Variants in KIF5C observed in about 807,000 individuals in gnomAD.
KIF5C encodes the protein kinesin family member 5C.
Under a neutral mutation model 125.2 loss-of-function variants are expected in KIF5C, and 18 were observed. The observed-to-expected ratio is 0.14, with a 90% CI of 0.10 to 0.21. The LOEUF is 0.21. Ranked by LOEUF, KIF5C falls within the 10% of genes least tolerant of loss-of-function variation. The pLI, the probability that KIF5C is intolerant of heterozygous loss-of-function variation, is 1.00. For synonymous variants in KIF5C, 405 were observed against 434.0 expected, an observed-to-expected ratio of 0.93 and a Z score of 0.83; for missense variants, 780 against 1,183.8, an observed-to-expected ratio of 0.66 and a Z score of 5.01.
At chr2:148,986,959 C>A (rs1228861511) in intron 15 of KIF5C, among the ~76,000 whole-genome samples, 1 of 152,220 alleles carries the variant, frequency 6.6e-6, no homozygotes, top group Non-Finnish European at 1.5e-5. Flanking sequence ...CTCTTCCTTT[C>A]ATGTACTGGT....
intron 25 of KIF5C, among the ~76,000 whole-genome samples, chr2:149,018,076 C>T (rs1226246419): frequency 2.0e-5 from 3 of 152,110 alleles, no homozygotes; most frequent in African/African-American, 4.8e-5. Flanking sequence ...ATGGCTTGAG[C>T]TCAGGAGTTT....
chr2:149,021,117 C>T (rs1224153125), intron 25 of KIF5C, among the ~76,000 whole-genome samples: 1 of 152,162 alleles, frequency 6.6e-6, no homozygotes, highest in Non-Finnish European at 1.5e-5. Context: ...GGCTGGAGTG[C>T]AGCAGCATGA....
chr2:149,016,197 A>C (rs1682351592), intron 25 of KIF5C, among the ~76,000 whole-genome samples: 2 of 152,320 alleles, frequency 1.3e-5, no homozygotes, highest in Non-Finnish European at 2.9e-5. Context: ...GTTGAGCCCA[A>C]GTAAATGAAG....
At chr2:148,951,481 C>T (rs984860316) in intron 10 of KIF5C, among the ~76,000 whole-genome samples, 32 of 152,142 alleles carry the variant, frequency 2.1e-4, no homozygotes, top group Non-Finnish European at 2.9e-5. Context: ...TGTCCAAGGC[C>T]TGACCTCCTT....
intron 12 of KIF5C, 29 bp from the exon 13 acceptor site, chr2:148,978,893 A>G (rs1227172421): frequency 6.4e-7 from 1 of 1,570,528 alleles, no homozygotes; most frequent in Non-Finnish European, 8.6e-7. Flanking sequence ...ATAACTAACC[A>G]AAAAAACAAA....
In KIF5C at chr2:149,023,708, T is replaced by C. The variant is rs1379517269; in HGVS notation, c.*638T>C. ...CAGAAAAACAATCTGACAGTAGCAG[T>C]GTAGAATTTGTTCATTCAAATACAT... On this transcript the variant is annotated 3_prime_UTR_variant, in exon 26 of 26. Coordinates refer to ENST00000435030, the MANE Select transcript of KIF5C (RefSeq NM_004522.3). 1 of 152,522 alleles carries C rather than the reference T, an allele frequency of 6.6e-6. No individual in the cohort carries two copies. Among genetic ancestry groups the C allele is most frequent in the Non-Finnish European group, 1.5e-5 (1 of 68,032 alleles). 9.4% of individuals were successfully genotyped at this position (152,522 alleles called of 1,614,324 possible).
In KIF5C at chr2:148,983,665, C is replaced by T. The variant is rs1244588801; in HGVS notation, c.1615C>T (p.Leu539Phe). 6.8e-6 allele frequency: 11 copies of T among 1,609,014 alleles called. No homozygotes were observed. The highest frequency in any genetic ancestry group is 9.3e-6 in the Non-Finnish European group (11 of 1,176,808). Residue 539 changes from leucine to phenylalanine, a missense_variant, in exon 15 of 26, where the codon CTT becomes TTT. This residue lies in a region of KIF5C where 573 missense variants were observed against 742.6 expected (regional missense o/e 0.77). Coordinates refer to ENST00000435030, the MANE Select transcript of KIF5C (RefSeq NM_004522.3). ...TQRELSQLQELSNHQKKRATE... is the reference protein window; with the variant it reads ...TQRELSQLQEFSNHQKKRATE... ...GAGAGAGCTGAGCCAGCTACAAGAG[C>T]TTAGCAACCACCAGAAGAAAAGGGC...
At chr2:148,962,692 C>T (rs1442081561) in intron 11 of KIF5C, among the ~76,000 whole-genome samples, 4 of 152,320 alleles carry the variant, frequency 2.6e-5, no homozygotes, top group African/African-American at 9.6e-5. Flanking sequence ...CTGCCTTAAT[C>T]TGCTTCCAAT....
chr2:148,976,285 T>TTTA (rs1558927695), intron 12 of KIF5C, among the ~76,000 whole-genome samples: 4 of 52,190 alleles, frequency 7.7e-5, no homozygotes, highest in Admixed American at 2.1e-4. Context: ...TTATTTATTT[T>TTTA]TTGAGATGGA....
chr2:148,953,041 C>T (rs909224719), intron 10 of KIF5C, among the ~76,000 whole-genome samples: 2 of 152,000 alleles, frequency 1.3e-5, no homozygotes, highest in African/African-American at 4.8e-5. Flanking sequence ...TTTGGGCTTC[C>T]AGGAAGTAAA....
chr2:148,929,829 A>G (rs1311240208), intron 3 of KIF5C, among the ~76,000 whole-genome samples: 3 of 151,782 alleles, frequency 2.0e-5, no homozygotes, highest in Non-Finnish European at 2.9e-5. Context: ...TTTTTTTTTA[A>G]TAGTAAGCAA....
Position 148,875,522 on chromosome 2 carries a change from C to G in KIF5C, c.-96C>G. ...GTCGTCGGAGGCTGCAGGAGGCGGC[C>G]TAGCTGTGGGCGGTGCAGCTCGCGG... On this transcript the variant is annotated 5_prime_UTR_variant, in exon 1 of 26. Coordinates refer to ENST00000435030, the MANE Select transcript of KIF5C (RefSeq NM_004522.3). 9.4e-7 allele frequency: 1 copy of G among 1,061,080 alleles called. No homozygotes were observed. Among genetic ancestry groups the G allele is most frequent in the Admixed American group, 2.0e-5 (1 of 48,924 alleles). 65.7% of individuals were successfully genotyped at this position (1,061,080 alleles called of 1,614,324 possible). A position where few individuals can be genotyped will look rare whatever the true frequency, so the allele number is the denominator to read the frequency against.
Position 149,024,604 on chromosome 2 carries a change from TTTC to T in KIF5C, c.*1537_*1539del. ...AGAACTGTGCATTGACATCCAAACA[TTTC>T]TTGTACAAAATTTCCCTAGCAAAGC... is the stretch of plus-strand genomic sequence containing the variant. On this transcript the variant is annotated 3_prime_UTR_variant, in exon 26 of 26. Coordinates refer to ENST00000435030, the MANE Select transcript of KIF5C (RefSeq NM_004522.3). 6.6e-6 allele frequency: 1 copy of T among 152,358 alleles called. No individual in the cohort carries two copies. The highest frequency in any genetic ancestry group is 2.4e-5 in the African/African-American group (1 of 41,406). 9.4% of individuals were successfully genotyped at this position (152,358 alleles called of 1,614,324 possible).
At chr2:148,887,653 G>A (rs1243084189) in intron 1 of KIF5C, among the ~76,000 whole-genome samples, 1 of 152,016 alleles carries the variant, frequency 6.6e-6, no homozygotes, top group Non-Finnish European at 1.5e-5. Context: ...AGCTGGGGTA[G>A]GAATCTGCTT....
chr2:148,880,660 C>CA (rs1366946440), intron 1 of KIF5C, among the ~76,000 whole-genome samples: 1 of 152,192 alleles, frequency 6.6e-6, no homozygotes, highest in Non-Finnish European at 1.5e-5. Context: ...TTTATTTAGT[C>CA]ACTTTGTCTA....
In KIF5C at chr2:149,010,243, A is replaced by G; in HGVS notation, c.2659A>G (p.Lys887Glu). 1.3e-6 allele frequency: 2 copies of G among 1,584,840 alleles called. No individual in the cohort carries two copies. Among genetic ancestry groups the G allele is most frequent in the Non-Finnish European group, 1.7e-6 (2 of 1,166,158 alleles). Reference sequence around the variant, plus strand: ...TCTGGAGAGCGCGCTGAAGGAGGCCAAGGAGAACGCCATGCGGGACCGTAA... The same window carrying G: ...TCTGGAGAGCGCGCTGAAGGAGGCCGAGGAGAACGCCATGCGGGACCGTAA... ...KALESALKEAKENAMRDRKRY... is the reference protein window; with the variant it reads ...KALESALKEAEENAMRDRKRY... Residue 887 changes from lysine to glutamate, a missense_variant, in exon 24 of 26, where the codon AAG (lysine) becomes GAG (glutamate). By Grantham distance (56) the Lys-to-Glu change is moderately conservative. Around this residue, in one of 2 missense-constraint regions of KIF5C, gnomAD observed 573 missense variants for 742.6 expected, o/e 0.77. Coordinates refer to ENST00000435030, the MANE Select transcript of KIF5C (RefSeq NM_004522.3).
intron 15 of KIF5C, among the ~76,000 whole-genome samples, chr2:148,987,805 T>C (rs1418693083): frequency 1.3e-5 from 2 of 152,314 alleles, no homozygotes; most frequent in African/African-American, 2.4e-5. Context: ...CTGGCTGCCT[T>C]ATTTTCTTTT....
chr2:148,985,744 A>G (rs1228441047), intron 15 of KIF5C, among the ~76,000 whole-genome samples: 1 of 152,180 alleles, frequency 6.6e-6, no homozygotes, highest in Non-Finnish European at 1.5e-5. Context: ...TAAATACTGG[A>G]AAATGCTCCC....
At chr2:148,904,451 G>A (rs555769359) in intron 1 of KIF5C, among the ~76,000 whole-genome samples, 4 of 152,330 alleles carry the variant, frequency 2.6e-5, no homozygotes, top group African/African-American at 4.8e-5. Flanking sequence ...TATATGAGGA[G>A]TGTCGTGCTG....
Sources: allele counts gnomAD v4.1 joint callset (sites outside exome capture counted in the v4.1 genomes callset), GRCh38; gene constraint gnomAD v4.1.1; regional missense constraint gnomAD v4.1.1; transcripts MANE v1.5; gene names NCBI Gene and HGNC (gene_info 2026-07-23, HGNC 2026-07-21).